Variants in GEN1 observed in about 807,000 individuals in gnomAD.
GEN1 encodes GEN1 structure-specific endonuclease, also known as flap endonuclease GEN homolog 1.
GEN1 carries 64 observed loss-of-function variants against 67.6 expected under a neutral mutation model. That is an observed-to-expected ratio of 0.95 (90% CI 0.77 to 1.17). The LOEUF (loss-of-function observed/expected upper bound fraction) is 1.17, where lower values mean the gene tolerates loss of function less well. Ranked by LOEUF, GEN1 falls within the 50% of genes most tolerant of loss-of-function variation. The probability of loss-of-function intolerance (pLI) is 0.00; values close to 1 mark genes in which losing one functional copy is unlikely to be tolerated. For synonymous variants in GEN1, 371 were observed against 359.4 expected (o/e 1.03, Z -0.37); for missense variants, 1,058 against 1,048.3 (o/e 1.01, Z -0.13).
At chr2:17,773,415 T>C (rs914942376) in intron 10 of GEN1, 116 bp downstream of exon 10, 29 of 636,698 alleles carry the variant, frequency 4.6e-5, no homozygotes, top group Middle Eastern at 8.8e-4. Context: ...GCAGCTCTTA[T>C]ATTTTTTCAG....
rs1035570422 is a variant in GEN1, at chr2:17,783,751, A to C, written c.*1812A>C. ...GCCAAGACAATTCAATGGGAAAAGGAAACAGTCTTTGAACCAACTGTCTTC... is the reference window on the plus strand; with the variant it reads ...GCCAAGACAATTCAATGGGAAAAGGCAACAGTCTTTGAACCAACTGTCTTC... On this transcript the variant is annotated 3_prime_UTR_variant, in exon 14 of 14. Coordinates refer to ENST00000381254, the MANE Select transcript of GEN1 (RefSeq NM_001130009.3). The C allele has an allele frequency of 3.3e-5, 5 of 152,234 alleles. No homozygotes were observed. Among genetic ancestry groups the C allele is most frequent in the South Asian group, 2.1e-4 (1 of 4,828 alleles). The allele number at this position is 152,234 out of a possible 1,614,324, so 9.4% of individuals were successfully genotyped here. A position where few individuals can be genotyped will look rare whatever the true frequency, so the allele number is the denominator to read the frequency against.
At chr2:17,760,199 A>G (rs1336155817) in intron 2 of GEN1, 95 bp downstream of exon 2, 17 of 1,182,622 alleles carry the variant, frequency 1.4e-5, no homozygotes, top group South Asian at 1.1e-4. Context: ...TGTTGTTGTT[A>G]TTCTTTTACA....
chr2:17,759,776 GT>G, intron 1 of GEN1, 152 bp from the exon 2 acceptor site: 1 of 568,206 alleles, frequency 1.8e-6, no homozygotes, highest in Non-Finnish European at 2.9e-6. Context: ...CGTTTCAGGT[GT>G]TCTTAATTCA....
chr2:17,775,772 G>C (rs1672396166), intron 11 of GEN1, among the ~76,000 whole-genome samples: 1 of 152,162 alleles, frequency 6.6e-6, no homozygotes, highest in South Asian at 2.1e-4. Context: ...ACAATAGACT[G>C]CTTTCATATG....
Position 17,782,570 on chromosome 2 carries a change from T to A in GEN1, c.*631T>A, listed in dbSNP as rs1443345813. The A allele has an allele frequency of 6.6e-6, 1 of 152,238 alleles. No homozygotes were observed. The highest frequency in any genetic ancestry group is 1.5e-5 in the Non-Finnish European group (1 of 68,042). 9.4% of individuals were successfully genotyped at this position (152,238 alleles called of 1,614,324 possible). ...TAGAAAAGGAGAGAAGATGTCAGTA[T>A]GTTTAGTAAAAATCATGCTCGTAAT... On this transcript the variant is annotated 3_prime_UTR_variant, in exon 14 of 14. Transcript: ENST00000381254.
At chr2:17,770,929 A>T in intron 6 of GEN1, 1 of 353,932 alleles carries the variant, frequency 2.8e-6, no homozygotes, top group South Asian at 2.6e-5. Context: ...TATATATACA[A>T]TTTTTTTTAA....
rs1194334125 is a variant in GEN1 at position 17,781,892 on chromosome 2, C to T, written c.2680C>T (p.Pro894Ser). ...CAACTCTGGTACTTGTTTGGATAGCCCTCTTCCTTTACGCCAGAGATTAAA... is the reference window on the plus strand; with the variant it reads ...CAACTCTGGTACTTGTTTGGATAGCTCTCTTCCTTTACGCCAGAGATTAAA... ...ENNSGTCLDS[P>S]LPLRQRLKLR... is the part of the protein sequence containing the mutation. Residue 894 changes from proline to serine, a missense_variant, in exon 14 of 14, where the codon CCT (proline) becomes TCT (serine). Physicochemically the swap from Pro to Ser is moderately conservative, Grantham distance 74. Transcript: ENST00000381254. 1 of 1,579,594 alleles carries T rather than the reference C, an allele frequency of 6.3e-7. No homozygotes were observed. Among genetic ancestry groups the T allele is most frequent in the Admixed American group, 2.0e-5 (1 of 49,678 alleles).
intron 2 of GEN1, 132 bp downstream of exon 2, chr2:17,760,236 A>G (rs893685878): frequency 6.1e-5 from 50 of 817,860 alleles, no homozygotes; most frequent in Admixed American, 1.2e-4. Flanking sequence ...TCTATTTAAC[A>G]TGTCTAGATT....
intron 8 of GEN1, 61 bp downstream of exon 8, chr2:17,772,845 G>T (rs1672258173): frequency 2.9e-6 from 4 of 1,377,784 alleles, no homozygotes; most frequent in Admixed American, 2.4e-5. Flanking sequence ...ACCTTTGGTT[G>T]AATTATTTCC....
At chr2:17,774,233 G>C in intron 10 of GEN1, 38 bp from the exon 11 acceptor site, 3 of 1,249,514 alleles carry the variant, frequency 2.4e-6, no homozygotes, top group Non-Finnish European at 3.3e-6. Flanking sequence ...GTCTCCAAGA[G>C]ATAACAAAAT....
intron 3 of GEN1, 119 bp from the exon 4 acceptor site, chr2:17,764,778 A>G: frequency 1.1e-6 from 1 of 905,630 alleles, no homozygotes; most frequent in Non-Finnish European, 1.6e-6. Flanking sequence ...TAAATATCGT[A>G]ATTTTTAAAA....
In GEN1 at chr2:17,787,445, C is replaced by A. The variant is rs931349036; in HGVS notation, c.*5506C>A. The A allele has an allele frequency of 6.6e-6, 1 of 152,216 alleles. No individual in the cohort carries two copies. Among genetic ancestry groups the A allele is most frequent in the Non-Finnish European group, 1.5e-5 (1 of 68,050 alleles). 9.4% of individuals were successfully genotyped at this position (152,216 alleles called of 1,614,324 possible). A position where few individuals can be genotyped will look rare whatever the true frequency, so the allele number is the denominator to read the frequency against. The stretch of plus-strand genomic sequence containing the variant: ...CATCGAGATTCAGTGTAAACGTGGT[C>A]TTCTCTAAGAAAGTCTTCTGTTGCT... On this transcript the variant is annotated 3_prime_UTR_variant, in exon 14 of 14. Coordinates refer to ENST00000381254, the MANE Select transcript of GEN1 (RefSeq NM_001130009.3).
At chr2:17,773,809 G>A (rs1486693637) in intron 10 of GEN1, among the ~76,000 whole-genome samples, 1 of 152,058 alleles carries the variant, frequency 6.6e-6, no homozygotes, top group Non-Finnish European at 1.5e-5. Context: ...GGGACACGGA[G>A]TGGCTCAATA....
chr2:17,776,795 G>A (rs1015880680), intron 11 of GEN1, among the ~76,000 whole-genome samples: 1 of 152,160 alleles, frequency 6.6e-6, no homozygotes, highest in African/African-American at 2.4e-5. Context: ...TTAAACATAT[G>A]AAGAGTAAGA....
rs1281229320 is a variant in GEN1, at chr2:17,761,403, T to C, written c.169T>C (p.Phe57Leu). The change falls in exon 3 of 14, where the codon TTT becomes CTT. Residue 57 changes from phenylalanine (F) to leucine (L), a missense_variant. Phe to Leu is a conservative substitution (Grantham distance 22). Coordinates refer to ENST00000381254, the MANE Select transcript of GEN1 (RefSeq NM_001130009.3). ...SVMKPHLRNL[F>L]FRISYLTQMD... ...CTAATTTATATATTTCAGGAACTTA[T>C]TTTTTCGTATCTCATATTTAACACA... 6 of 1,562,592 alleles carry C rather than the reference T, an allele frequency of 3.8e-6. No homozygotes were observed. Among genetic ancestry groups the C allele is most frequent in the Admixed American group, 3.5e-5 (2 of 56,846 alleles).
At chr2:17,759,281 C>T (rs1404731650) in intron 1 of GEN1, among the ~76,000 whole-genome samples, 1 of 152,072 alleles carries the variant, frequency 6.6e-6, no homozygotes, top group East Asian at 1.9e-4. Context: ...TAGAAAATAC[C>T]AAACCAGATA....
chr2:17,754,495 G>C (rs1671301302), intron 1 of GEN1, 150 bp downstream of exon 1: 1 of 152,142 alleles, frequency 6.6e-6, no homozygotes, highest in Non-Finnish European at 1.5e-5. Flanking sequence ...AGTCCGAACC[G>C]AGCCGCCAGG....
intron 9 of GEN1, 27 bp downstream of exon 9, chr2:17,773,159 A>G (rs1226959532): frequency 1.0e-5 from 16 of 1,557,644 alleles, no homozygotes; most frequent in Non-Finnish European, 1.3e-5. Flanking sequence ...CAACTCTATT[A>G]ATTTTAGAAA....
chr2:17,762,459 G>A (rs1464698498), intron 3 of GEN1, among the ~76,000 whole-genome samples: 3 of 151,726 alleles, frequency 2.0e-5, no homozygotes, highest in Admixed American at 6.6e-5. Context: ...CGCCTGCCTC[G>A]GCCTCCTGAA....
Sources: gnomAD v4.1 joint callset for allele counts (sites outside exome capture counted in the v4.1 genomes callset) on GRCh38, gnomAD v4.1.1 for gene constraint, MANE v1.5 for transcripts, NCBI Gene and HGNC (gene_info 2026-07-23, HGNC 2026-07-21) for gene names.